Variants in POU6F2 observed in about 807,000 individuals in gnomAD.
The protein encoded by POU6F2 is POU class 6 homeobox 2, also known as POU domain, class 6, transcription factor 2.
A neutral mutation model predicts 71.3 loss-of-function variants in POU6F2; 31 were observed. The ratio of observed to expected loss-of-function variants is 0.43; its 90% CI spans 0.33 to 0.59. The LOEUF (loss-of-function observed/expected upper bound fraction) is 0.59. POU6F2 is among the 20% of genes least tolerant of loss of function. POU6F2 has a pLI of 0.04. For synonymous variants in POU6F2, 347 were observed against 355.7 expected, an observed-to-expected ratio of 0.98 and a Z score of 0.27; for missense variants, 783 against 856.8, an observed-to-expected ratio of 0.91 and a Z score of 1.07.
intron 1 of POU6F2, among the ~76,000 whole-genome samples, chr7:38,997,803 A>C (rs930609114): frequency 6.6e-6 from 1 of 152,232 alleles, no homozygotes; most frequent in Non-Finnish European, 1.5e-5. Flanking sequence ...AACAAATGTG[A>C]TAAGTTGCTC....
intron 4 of POU6F2, among the ~76,000 whole-genome samples, chr7:39,322,038 C>T (rs1021325612): frequency 5.3e-5 from 8 of 152,126 alleles, no homozygotes; most frequent in African/African-American, 1.9e-4. Context: ...AATTCTCATC[C>T]TCCTCTAAAT....
At chr7:39,052,320 A>G in intron 1 of POU6F2, among the ~76,000 whole-genome samples, 1 of 152,176 alleles carries the variant, frequency 6.6e-6, no homozygotes, top group Non-Finnish European at 1.5e-5. Flanking sequence ...GTCCGTTCTC[A>G]CATGGCTATG....
At chr7:39,156,913 C>G (rs1405494131) in intron 2 of POU6F2, among the ~76,000 whole-genome samples, 1 of 152,180 alleles carries the variant, frequency 6.6e-6, no homozygotes, top group Admixed American at 6.5e-5. Context: ...TTTTGTGTCA[C>G]TTGGCCTGGC....
At chr7:39,339,097 A>AC (rs1785853158) in intron 4 of POU6F2, among the ~76,000 whole-genome samples, 1 of 151,820 alleles carries the variant, frequency 6.6e-6, no homozygotes, top group Non-Finnish European at 1.5e-5. Flanking sequence ...AAAAAAAAAA[A>AC]CAGTTAGAAA....
intron 4 of POU6F2, among the ~76,000 whole-genome samples, chr7:39,252,399 GACAC>G (rs55738894): frequency 0.051 from 7,345 of 144,002 alleles, 189 homozygotes; most frequent in Non-Finnish European, 0.06. Flanking sequence ...CAGACAGACA[GACAC>G]ACACACACAC....
chr7:39,389,628 C>G (rs904668830), intron 5 of POU6F2, among the ~76,000 whole-genome samples: 4 of 152,138 alleles, frequency 2.6e-5, no homozygotes, highest in African/African-American at 9.7e-5. Flanking sequence ...TTTGCTCCTT[C>G]ATACAAAAAT....
chr7:39,106,945 T>C (rs926345451), intron 2 of POU6F2, among the ~76,000 whole-genome samples: 3 of 152,194 alleles, frequency 2.0e-5, no homozygotes, highest in African/African-American at 7.2e-5. Flanking sequence ...TGAATGCTCT[T>C]TTTGTGATTT....
chr7:39,372,716 C>T (rs542992946), intron 5 of POU6F2, among the ~76,000 whole-genome samples: 7 of 152,294 alleles, frequency 4.6e-5, no homozygotes, highest in South Asian at 2.1e-4. Flanking sequence ...ATAAAATTAA[C>T]GATCACCAGG....
At chr7:39,200,177 G>A (rs1260525200) in intron 2 of POU6F2, among the ~76,000 whole-genome samples, 1 of 152,144 alleles carries the variant, frequency 6.6e-6, no homozygotes, top group Non-Finnish European at 1.5e-5. Context: ...ATTGCATATG[G>A]CAGTCTTAGC....
chr7:39,357,569 C>A (rs772734920), intron 5 of POU6F2, among the ~76,000 whole-genome samples: 10 of 152,190 alleles, frequency 6.6e-5, no homozygotes, highest in Non-Finnish European at 1.2e-4. Context: ...ATTCTCAGGA[C>A]TGTTCTGGCT....
At chr7:39,099,153 G>A (rs895059654) in intron 2 of POU6F2, among the ~76,000 whole-genome samples, 12 of 152,190 alleles carry the variant, frequency 7.9e-5, no homozygotes, top group African/African-American at 2.9e-4. Flanking sequence ...GAGCAAGGAT[G>A]GAACAGGGCA....
In POU6F2 at chr7:39,140,850, G is replaced by A. The variant is rs563328089; in HGVS notation, c.277+54819G>A. Among the ~76,000 whole-genome samples, 188 of 152,300 alleles carry A rather than the reference G, an allele frequency of 1.2e-3. 1 individual carries two copies. Among genetic ancestry groups the A allele is most frequent in the Non-Finnish European group, 2.1e-3 (141 of 68,018 alleles). ...CAGGTATTTGGAATGTATCCTGAGT[G>A]CAGTGAGGAGTCACCAGGGGTTTTA... On this transcript the variant is annotated intron_variant, in intron 2 of 9. Coordinates refer to ENST00000518318, the MANE Select transcript of POU6F2 (RefSeq NM_001370959.1).
intron 1 of POU6F2, among the ~76,000 whole-genome samples, chr7:39,033,841 T>C (rs1312607197): frequency 6.6e-6 from 1 of 152,232 alleles, no homozygotes; most frequent in Admixed American, 6.5e-5. Flanking sequence ...CGCTAGTGGA[T>C]GTATTCAGGG....
chr7:39,179,278 C>T (rs980467887), intron 2 of POU6F2, among the ~76,000 whole-genome samples: 1 of 152,204 alleles, frequency 6.6e-6, no homozygotes, highest in Non-Finnish European at 1.5e-5. Context: ...GTTGGTGCCA[C>T]ACTGCCTGGG....
chr7:39,017,808 G>A (rs1448868681), intron 1 of POU6F2, among the ~76,000 whole-genome samples: 1 of 94,814 alleles, frequency 1.1e-5, no homozygotes, highest in Non-Finnish European at 2.1e-5. Context: ...CCCAGATTGT[G>A]CATGCGTGTG....
rs17713143 is a variant in POU6F2 at position 39,465,243 on chromosome 7, C to T, written c.*557C>T. The T allele has an allele frequency of 7.1e-3, 1,084 of 152,706 alleles. 23 individuals are homozygous for T. Among genetic ancestry groups the T allele is most frequent in the East Asian group, 0.061 (317 of 5,170 alleles). The allele number at this position is 152,706 out of a possible 1,614,324, so 9.5% of individuals were successfully genotyped here. On this transcript the variant is annotated 3_prime_UTR_variant, in exon 10 of 10. Transcript: ENST00000518318. ...CAGAAACATGGCATTGCAACGCGAT[C>T]GTTCGTCTACGCTTCTCCGCACGTA...
intron 4 of POU6F2, among the ~76,000 whole-genome samples, chr7:39,213,899 C>T (rs1392027022): frequency 6.6e-6 from 1 of 152,188 alleles, no homozygotes; most frequent in East Asian, 1.9e-4. Flanking sequence ...GAGATTCTTT[C>T]CTGTCCGTTA....
At chr7:39,319,602 G>A (rs1013917408) in intron 4 of POU6F2, among the ~76,000 whole-genome samples, 4 of 152,116 alleles carry the variant, frequency 2.6e-5, no homozygotes, top group African/African-American at 7.2e-5. Flanking sequence ...ATCCAGCCCC[G>A]AGGAAATTCT....
intron 4 of POU6F2, among the ~76,000 whole-genome samples, chr7:39,289,184 G>A (rs1784702528): frequency 6.6e-6 from 1 of 152,050 alleles, no homozygotes. Context: ...TGGCAGCTCT[G>A]CCTGGCCACA....
Sources: gnomAD v4.1 joint callset for allele counts (sites outside exome capture counted in the v4.1 genomes callset) on GRCh38, gnomAD v4.1.1 for gene constraint, MANE v1.5 for transcripts, NCBI Gene and HGNC (gene_info 2026-07-23, HGNC 2026-07-21) for gene names.